The following P2RY6 variants were observed in gnomAD, a reference collection of about 807,000 sequenced individuals.
P2RY6 encodes the protein P2Y purinoceptor 6.
A neutral mutation model predicts 16.3 loss-of-function variants in P2RY6; 19 were observed. The ratio of observed to expected loss-of-function variants is 1.16; its 90% CI spans 0.81 to 1.71. P2RY6 has a LOEUF of 1.71. Ranked by LOEUF, P2RY6 falls within the 40% of genes most tolerant of loss-of-function variation. P2RY6 has a pLI of 0.00. For missense variants in P2RY6, 389 were observed against 455.5 expected, an observed-to-expected ratio of 0.85 and a Z score of 1.33; for synonymous variants, 184 against 201.5, an observed-to-expected ratio of 0.91 and a Z score of 0.74.
intron 1 of P2RY6, 86 bp from the exon 2 acceptor site, chr11:73,295,644 A>G (rs1864442460): frequency 1.2e-5 from 4 of 337,588 alleles, no homozygotes; most frequent in Non-Finnish European, 1.7e-5. Context: ...CTGTGTTGTC[A>G]GAGGCTCTGC....
chr11:73,273,597 G>T (rs779736192), intron 1 of P2RY6, among the ~76,000 whole-genome samples: 3 of 152,126 alleles, frequency 2.0e-5, no homozygotes, highest in Non-Finnish European at 4.4e-5. Flanking sequence ...TTATCAGAAA[G>T]GGAGGGGGCC....
chr11:73,276,654 C>G (rs1014738336), intron 1 of P2RY6, among the ~76,000 whole-genome samples: 1 of 152,132 alleles, frequency 6.6e-6, no homozygotes. Context: ...ATGTCCAGAA[C>G]AGGCAAATTC....
upstream of P2RY6, among the ~76,000 whole-genome samples, chr11:73,271,113 AAGAAG>A (rs1345676369): frequency 1.3e-5 from 2 of 152,180 alleles, no homozygotes; most frequent in Non-Finnish European, 1.5e-5. Context: ...ACCTGTAAGA[AAGAAG>A]AGGAGGAGGA....
upstream of P2RY6, among the ~76,000 whole-genome samples, chr11:73,269,537 G>T (rs182016126): frequency 1.1e-3 from 174 of 152,320 alleles, no homozygotes; most frequent in African/African-American, 4.0e-3. Context: ...CCCAGGAGCA[G>T]CATGTGTGTG....
chr11:73,288,189 G>T (rs1381800642), intron 1 of P2RY6, among the ~76,000 whole-genome samples: 1 of 152,236 alleles, frequency 6.6e-6, no homozygotes, highest in East Asian at 1.9e-4. Flanking sequence ...AGTGCTCAAT[G>T]AATACATGTG....
chr11:73,266,891 G>A (rs1863124172), intron 1 of P2RY6, among the ~76,000 whole-genome samples: 1 of 152,162 alleles, frequency 6.6e-6, no homozygotes, highest in Non-Finnish European at 1.5e-5. Context: ...GCCCTCCTGG[G>A]GAGAAGGAGG....
At chr11:73,265,295 C>T (rs1863064738) in intron 1 of P2RY6, 1 of 152,272 alleles carries the variant, frequency 6.6e-6, no homozygotes, top group African/African-American at 2.4e-5. Context: ...AGGTCCCAGG[C>T]TCACCCTCTC....
At position 73,275,081 on chromosome 11, in the gene P2RY6, C is replaced by T. The variant is rs1055694098; in HGVS notation, c.-121+2615C>T. Among the ~76,000 whole-genome samples the T allele has an allele frequency of 8.5e-5, 13 of 152,334 alleles. No homozygotes were observed. In the East Asian group the frequency reaches 2.3e-3, roughly 27 times the overall value. ...GAGCAAGACGCAGTCATTTGGTCTA[C>T]GGAGATGGCGTAGGCTGGGTCAGTG... is the stretch of plus-strand genomic sequence containing the variant. On this transcript the variant is annotated intron_variant, in intron 1 of 2. Transcript: ENST00000540124.
rs1024782574 is a variant in P2RY6, at chr11:73,298,178, G to A, written c.*673G>A. 1 of 167,132 alleles carries A rather than the reference G, an allele frequency of 6.0e-6. No individual in the cohort carries two copies. The highest frequency in any genetic ancestry group is 1.5e-5 in the Non-Finnish European group (1 of 68,276). 10.4% of individuals were successfully genotyped at this position (167,132 alleles called of 1,614,324 possible). A position where few individuals can be genotyped will look rare whatever the true frequency, so the allele number is the denominator to read the frequency against. On this transcript the variant is annotated 3_prime_UTR_variant, in exon 3 of 3. Transcript: ENST00000540124. ...GTCAGGAAAGAGCTCTCTGAGGAGGGAGCATCTGAGCCAGATGTTGAGGGC... is the reference window on the plus strand; with the variant it reads ...GTCAGGAAAGAGCTCTCTGAGGAGGAAGCATCTGAGCCAGATGTTGAGGGC...
chr11:73,292,657 C>T (rs1382413887), intron 1 of P2RY6: 5 of 237,438 alleles, frequency 2.1e-5, no homozygotes, highest in African/African-American at 2.3e-5. Flanking sequence ...CCGGGAAGGA[C>T]GCCTTTTTTC....
In P2RY6 at chr11:73,266,149, T is replaced by C. The variant is rs1863095251; in HGVS notation, c.-281+1500T>C. ...GTGGGTAGGAATCAGAGAGTCCCTA[T>C]TTGAGTATCTCTGAGGGATCCTTTC... On this transcript the variant is annotated intron_variant, in intron 1 of 3. Transcript: ENST00000349767. Among the ~76,000 whole-genome samples, 3 of 152,304 alleles carry C rather than the reference T, an allele frequency of 2.0e-5. No individual in the cohort carries two copies. The South Asian group carries it at 6.2e-4, about 32-fold the overall frequency.
At chr11:73,272,280 C>A, upstream of P2RY6, 1 of 920,930 alleles carries the variant, frequency 1.1e-6, no homozygotes, top group Non-Finnish European at 1.3e-6. Context: ...CAGCTCTGTG[C>A]TGTGGCAAGT....
chr11:73,297,612 A>C lies in P2RY6; in HGVS notation c.*107A>C. 1 of 901,866 alleles carries C rather than the reference A, an allele frequency of 1.1e-6. No individual in the cohort carries two copies. Among genetic ancestry groups the C allele is most frequent in the South Asian group, 1.7e-5 (1 of 59,280 alleles). 55.9% of individuals were successfully genotyped at this position (901,866 alleles called of 1,614,324 possible). ...GAATTAGAGTTCAGCTCAGCTGGGC[A>C]TGGAGTTAAGATCCCTCACAGGACC... On this transcript the variant is annotated 3_prime_UTR_variant, in exon 3 of 3. Transcript: ENST00000540124.
Position 73,288,014 on chromosome 11 carries a change from G to A in P2RY6, c.-120-7716G>A, listed in dbSNP as rs557965712. On this transcript the variant is annotated intron_variant, in intron 1 of 2. Transcript: ENST00000540124. ...TTGACCTCTCAGCCCTGTGCCCACC[G>A]GGGCCGCGTGGTCTCTAACCCTCTT... Among the ~76,000 whole-genome samples, 18 of 152,314 alleles carry A rather than the reference G, an allele frequency of 1.2e-4. No homozygotes were observed. In the South Asian group the frequency reaches 2.7e-3, roughly 23 times the overall value.
chr11:73,292,967 GGGGGGT>G, intron 1 of P2RY6: 1 of 576,574 alleles, frequency 1.7e-6, no homozygotes, highest in Non-Finnish European at 2.2e-6. Flanking sequence ...CAGGGGTTGC[GGGGGGT>G]GGGGGGGGGA....
intron 1 of P2RY6, among the ~76,000 whole-genome samples, chr11:73,286,711 G>A (rs968702842): frequency 6.6e-6 from 1 of 152,124 alleles, no homozygotes; most frequent in African/African-American, 2.4e-5. Context: ...AGGCTCCAGA[G>A]GCAAAGCAGA....
intron 1 of P2RY6, among the ~76,000 whole-genome samples, chr11:73,279,945 G>C: frequency 6.6e-6 from 1 of 152,310 alleles, no homozygotes; most frequent in South Asian, 2.1e-4. Context: ...CCTTACCTTA[G>C]GCTTCCTGTG....
chr11:73,289,568 GC>G, intron 1 of P2RY6: 1 of 152,478 alleles, frequency 6.6e-6, no homozygotes, highest in Non-Finnish European at 1.5e-5. Context: ...CCGAGGGGAG[GC>G]CCCCCACTGT....
intron 1 of P2RY6, among the ~76,000 whole-genome samples, chr11:73,276,755 T>G (rs1235645976): frequency 1.3e-5 from 2 of 152,222 alleles, no homozygotes; most frequent in African/African-American, 4.8e-5. Flanking sequence ...TTTCTTTCTA[T>G]GGTTATTAAA....
Sources: gnomAD v4.1 joint callset for allele counts (sites outside exome capture counted in the v4.1 genomes callset) on GRCh38, gnomAD v4.1.1 for gene constraint, MANE v1.5 for transcripts, NCBI Gene and HGNC (gene_info 2026-07-23, HGNC 2026-07-21) for gene names.